ZNF423: variants seen among roughly 807,000 people sequenced by gnomAD.
ZNF423 encodes the protein Ebf-associated zinc finger protein.
In ZNF423, 12 loss-of-function variants were observed where a neutral mutation model predicts 95.8. The observed-to-expected ratio is 0.13, with a 90% CI of 0.08 to 0.20. ZNF423 has a LOEUF of 0.20. Ranked by LOEUF, ZNF423 falls within the 10% of genes least tolerant of loss-of-function variation. ZNF423 has a pLI of 1.00. For synonymous variants in ZNF423, 749 were observed against 711.9 expected (o/e 1.05, Z -0.83); for missense variants, 1,316 against 1,737.1 (o/e 0.76, Z 4.31).
intron 3 of ZNF423, 122 bp downstream of exon 3, chr16:49,730,649 A>G: frequency 9.2e-7 from 1 of 1,082,246 alleles, no homozygotes. Flanking sequence ...CACCACAATA[A>G]AATGACATTA....
At chr16:49,662,437 A>G (rs1259089856) in intron 3 of ZNF423, among the ~76,000 whole-genome samples, 1 of 152,220 alleles carries the variant, frequency 6.6e-6, no homozygotes, top group Non-Finnish European at 1.5e-5. Flanking sequence ...GTCACCTGCG[A>G]TATGGCAGCC....
chr16:49,513,889 TC>T (rs1415000784), intron 7 of ZNF423, among the ~76,000 whole-genome samples: 2 of 151,678 alleles, frequency 1.3e-5, no homozygotes, highest in Non-Finnish European at 1.5e-5. Flanking sequence ...AAAGGGTACT[TC>T]CTGCAGGCAG....
chr16:49,741,228 C>T (rs973078797), intron 2 of ZNF423, among the ~76,000 whole-genome samples: 5 of 151,668 alleles, frequency 3.3e-5, no homozygotes, highest in African/African-American at 1.2e-4. Context: ...AAATCCATGG[C>T]TCACAGCTGT....
rs757668042 is a variant in ZNF423 at position 49,588,820 on chromosome 16, C to T, written c.3601+37350G>A. ...GGGAAAGTGCTGCCTGCTACCACTA[C>T]GCCACCAGTGGCAGACATGGCCAAA... On this transcript the variant is annotated intron_variant, in intron 5 of 7. Coordinates refer to ENST00000563137, the MANE Select transcript of ZNF423 (RefSeq NM_001379286.1). Among the ~76,000 whole-genome samples the T allele has an allele frequency of 9.2e-5, 14 of 152,246 alleles. No homozygotes were observed. In the South Asian group the frequency reaches 1.0e-3, roughly 11 times the overall value.
Position 49,488,439 on chromosome 16 carries a change from C to A in ZNF423, c.*2836G>T, listed in dbSNP as rs79488029. 16 of 152,240 alleles carry A rather than the reference C, an allele frequency of 1.1e-4. 1 individual carries two copies. Among genetic ancestry groups the A allele is most frequent in the Admixed American group, 1.0e-3 (16 of 15,286 alleles). 9.4% of individuals were successfully genotyped at this position (152,240 alleles called of 1,614,324 possible). ...TGCCCAGAGAGCCGCTAGAAACTGA[C>A]AATTTGTACATCTAAATACAGCAGC... On this transcript the variant is annotated 3_prime_UTR_variant, in exon 8 of 8. Coordinates refer to ENST00000563137, the MANE Select transcript of ZNF423 (RefSeq NM_001379286.1).
chr16:49,659,290 T>C (rs987392243), intron 3 of ZNF423, among the ~76,000 whole-genome samples: 2 of 152,202 alleles, frequency 1.3e-5, no homozygotes, highest in African/African-American at 2.4e-5. Context: ...GGACTCGCTA[T>C]GTATGTTGCC....
chr16:49,636,272 C>A lies in ZNF423; in HGVS notation c.2904G>T (p.Met968Ile). Residue 968 changes from methionine (M) to isoleucine (I), a missense_variant, in exon 4 of 8, where the codon ATG (methionine) becomes ATT (isoleucine). By Grantham distance (10) the Met-to-Ile change is conservative (BLOSUM62 1). Transcript: ENST00000563137. This position sits in a 1 kb window ranked among gnomAD's most constrained non-coding sequence, Gnocchi z 8.6. ...QTHRGPAKHY[M>I]CPICGERFPS... ...GGAAGCGCTCACCACAGATGGGACACATGTAGTGCTTGGCAGGGCCCCGGT... is the reference window on the plus strand; with the variant it reads ...GGAAGCGCTCACCACAGATGGGACAAATGTAGTGCTTGGCAGGGCCCCGGT... 1 of 1,612,944 alleles carries A rather than the reference C, an allele frequency of 6.2e-7. No individual in the cohort carries two copies. The highest frequency in any genetic ancestry group is 8.5e-7 in the Non-Finnish European group (1 of 1,180,040).
At chr16:49,754,814 T>G (rs574863060) in intron 2 of ZNF423, among the ~76,000 whole-genome samples, 1 of 152,356 alleles carries the variant, frequency 6.6e-6, no homozygotes, top group East Asian at 1.9e-4. Flanking sequence ...AAACTTTTTT[T>G]GCCAACATTG....
intron 2 of ZNF423, among the ~76,000 whole-genome samples, chr16:49,760,993 C>T (rs958888303): frequency 2.6e-5 from 4 of 151,928 alleles, no homozygotes; most frequent in South Asian, 2.1e-4. Context: ...TACGCACACA[C>T]GCACACATAT....
At chr16:49,847,625 C>G (rs1284403200) in intron 1 of ZNF423, 2 of 149,696 alleles carry the variant, frequency 1.3e-5, no homozygotes, top group South Asian at 2.2e-4. Context: ...TACCCCCCCG[C>G]CCCCCGCCGA....
intron 5 of ZNF423, among the ~76,000 whole-genome samples, chr16:49,537,689 T>C (rs890026648): frequency 3.3e-5 from 5 of 152,120 alleles, no homozygotes; most frequent in African/African-American, 1.2e-4. Context: ...CACGTCTTCC[T>C]CTCAAGTCTA....
At chr16:49,716,025 C>G (rs932623132) in intron 3 of ZNF423, among the ~76,000 whole-genome samples, 1 of 151,944 alleles carries the variant, frequency 6.6e-6, no homozygotes, top group African/African-American at 2.4e-5. Context: ...GAGGAGAAGC[C>G]GCAAGAGGCA....
At chr16:49,853,067 C>T (rs1355956988) in intron 1 of ZNF423, among the ~76,000 whole-genome samples, 1 of 152,358 alleles carries the variant, frequency 6.6e-6, no homozygotes, top group East Asian at 1.9e-4. Context: ...AGTCAAGCGA[C>T]TTTCACAGCA....
intron 2 of ZNF423, among the ~76,000 whole-genome samples, chr16:49,762,765 C>A (rs1456521259): frequency 6.6e-6 from 1 of 152,216 alleles, no homozygotes; most frequent in East Asian, 1.9e-4. Flanking sequence ...ACCTTCAACA[C>A]CCCATCTGAA....
intron 5 of ZNF423, among the ~76,000 whole-genome samples, chr16:49,590,646 C>T (rs1419471494): frequency 3.9e-5 from 6 of 152,178 alleles, no homozygotes; most frequent in Non-Finnish European, 5.9e-5. Flanking sequence ...GTCTTCTCCT[C>T]GATTTCTCTT....
intron 3 of ZNF423, among the ~76,000 whole-genome samples, chr16:49,670,857 C>T (rs1454174771): frequency 6.6e-6 from 1 of 152,196 alleles, no homozygotes; most frequent in Admixed American, 6.5e-5. Flanking sequence ...TTTAAAGCAT[C>T]CTTTTTAAGT....
chr16:49,654,080 G>C (rs1344561927), intron 3 of ZNF423, among the ~76,000 whole-genome samples: 1 of 152,216 alleles, frequency 6.6e-6, no homozygotes, highest in Non-Finnish European at 1.5e-5. Context: ...CTGAGACATA[G>C]AGAGGGCGAG....
intron 3 of ZNF423, among the ~76,000 whole-genome samples, chr16:49,666,396 C>T (rs1437887518): frequency 6.6e-6 from 1 of 152,198 alleles, no homozygotes; most frequent in Admixed American, 6.5e-5. Flanking sequence ...CAGTTACATT[C>T]ACAAACACAG....
At chr16:49,663,802 C>A (rs2030380183) in intron 3 of ZNF423, among the ~76,000 whole-genome samples, 1 of 152,148 alleles carries the variant, frequency 6.6e-6, no homozygotes, top group South Asian at 2.1e-4. Flanking sequence ...AGTCAGGGTG[C>A]ACCCCAGGGC....
Sources: gnomAD v4.1 joint callset for allele counts (sites outside exome capture counted in the v4.1 genomes callset) on GRCh38, gnomAD v4.1.1 for gene constraint, Gnocchi (gnomAD v3.1) non-coding constraint, MANE v1.5 for transcripts, NCBI Gene and HGNC (gene_info 2026-07-23, HGNC 2026-07-21) for gene names.